The following DOCK3 variants were observed in gnomAD, a reference collection of about 807,000 sequenced individuals.
DOCK3 encodes dedicator of cytokinesis protein 3.
A neutral mutation model predicts 265.6 loss-of-function variants in DOCK3; 60 were observed. The observed-to-expected ratio is 0.23, with a 90% CI of 0.18 to 0.28. DOCK3 has a LOEUF of 0.28. Ranked by LOEUF, DOCK3 falls within the 10% of genes least tolerant of loss-of-function variation. The pLI is 1.00. For missense variants in DOCK3, 1,981 were observed against 2,594.3 expected, an observed-to-expected ratio of 0.76 and a Z score of 5.14; for synonymous variants, 881 against 938.0, an observed-to-expected ratio of 0.94 and a Z score of 1.11.
chr3:50,753,470 G>A (rs1303589523), intron 1 of DOCK3, among the ~76,000 whole-genome samples: 1 of 152,088 alleles, frequency 6.6e-6, no homozygotes, highest in African/African-American at 2.4e-5. Context: ...AGCCTCCCAA[G>A]TTGGGACTAT....
intron 9 of DOCK3, among the ~76,000 whole-genome samples, chr3:51,092,380 C>T (rs1217698130): frequency 1.3e-5 from 2 of 152,184 alleles, no homozygotes; most frequent in Non-Finnish European, 2.9e-5. Context: ...TTTATGCTCA[C>T]GGTGTAAACA....
chr3:50,854,453 C>G (rs1480209063), intron 3 of DOCK3, among the ~76,000 whole-genome samples: 2 of 144,812 alleles, frequency 1.4e-5, no homozygotes, highest in Admixed American at 7.0e-5. Context: ...TTTTGGCGAA[C>G]AGGGTCTTGC....
intron 21 of DOCK3, among the ~76,000 whole-genome samples, chr3:51,243,711 G>A (rs1306702333): frequency 6.6e-6 from 1 of 152,150 alleles, no homozygotes; most frequent in African/African-American, 2.4e-5. Context: ...AGTTTTTAAA[G>A]TTTTGATGTA....
chr3:50,699,243 A>G (rs2035867673), intron 1 of DOCK3, among the ~76,000 whole-genome samples: 1 of 152,030 alleles, frequency 6.6e-6, no homozygotes, highest in Admixed American at 6.6e-5. Flanking sequence ...GGATTTATTT[A>G]TGGGTTTTCT....
intron 5 of DOCK3, among the ~76,000 whole-genome samples, chr3:50,991,801 C>T (rs902766015): frequency 5.9e-5 from 9 of 152,238 alleles, no homozygotes; most frequent in East Asian, 1.9e-4. Flanking sequence ...TTCTTCTTAT[C>T]GCCACATGAC....
chr3:51,322,980 A>AG (rs949912922), intron 32 of DOCK3, among the ~76,000 whole-genome samples: 7 of 152,160 alleles, frequency 4.6e-5, no homozygotes, highest in African/African-American at 1.7e-4. Context: ...GCAAAAAAAA[A>AG]AAAGCAGGGG....
At chr3:51,356,579 AAGAG>A in intron 43 of DOCK3, 86 bp downstream of exon 43, 2 of 1,410,582 alleles carry the variant, frequency 1.4e-6, no homozygotes, top group Non-Finnish European at 2.0e-6. Context: ...ACTAAAGAAA[AAGAG>A]AGCGTCGGCC....
intron 3 of DOCK3, among the ~76,000 whole-genome samples, chr3:50,875,384 T>C (rs1409063841): frequency 6.6e-6 from 1 of 152,202 alleles, no homozygotes; most frequent in East Asian, 1.9e-4. Flanking sequence ...GAGATCTCTT[T>C]GGAAAGACTT....
rs749120674 is a variant in DOCK3, at chr3:51,374,522, C to T, written c.5347C>T (p.Leu1783=). 5 of 1,613,802 alleles carry T rather than the reference C, an allele frequency of 3.1e-6. No homozygotes were observed. In the African/African-American group the frequency reaches 6.7e-5, roughly 22 times the overall value. ...YRHAREMMLL[L]PTYRDRPSSA... is the part of the protein sequence containing the mutation. ...CCATGCCCGTGAAATGATGTTGTTGCTGCCCACATACCGGGACCGCCCAAG... is the reference window on the plus strand; with the variant it reads ...CCATGCCCGTGAAATGATGTTGTTGTTGCCCACATACCGGGACCGCCCAAG... Residue 1783 remains leucine, a synonymous_variant, in exon 50 of 53, where the codon CTG becomes TTG. Transcript: ENST00000266037. The surrounding 1 kb of genome is among the most constrained non-coding windows in gnomAD (Gnocchi z 4.8).
At chr3:51,279,172 T>A in intron 26 of DOCK3, among the ~76,000 whole-genome samples, 1 of 152,058 alleles carries the variant, frequency 6.6e-6, no homozygotes, top group African/African-American at 2.4e-5. Context: ...GAATCGCTTA[T>A]ACCTAGGAGG....
intron 5 of DOCK3, among the ~76,000 whole-genome samples, chr3:51,046,319 A>T (rs1328508414): frequency 6.6e-6 from 1 of 152,162 alleles, no homozygotes; most frequent in Admixed American, 6.5e-5. Flanking sequence ...TAAAAACAAG[A>T]TCTAATTATA....
chr3:51,029,437 A>G (rs1175825298), intron 5 of DOCK3, among the ~76,000 whole-genome samples: 1 of 152,176 alleles, frequency 6.6e-6, no homozygotes, highest in Non-Finnish European at 1.5e-5. Flanking sequence ...AAGAAGCACA[A>G]AAATCATTCT....
intron 12 of DOCK3, among the ~76,000 whole-genome samples, chr3:51,183,920 T>C (rs1233773888): frequency 6.6e-6 from 1 of 152,140 alleles, no homozygotes; most frequent in African/African-American, 2.4e-5. Context: ...AAATATTTCC[T>C]CACTTTGTCA....
At chr3:51,131,157 G>A (rs1236726951) in intron 9 of DOCK3, among the ~76,000 whole-genome samples, 6 of 152,222 alleles carry the variant, frequency 3.9e-5, no homozygotes, top group East Asian at 1.9e-4. Context: ...TGCCAATTAC[G>A]CATTCAGGCA....
At chr3:50,773,716 T>A (rs1377845038) in intron 1 of DOCK3, among the ~76,000 whole-genome samples, 1 of 152,116 alleles carries the variant, frequency 6.6e-6, no homozygotes, top group Non-Finnish European at 1.5e-5. Flanking sequence ...GCTATATCAT[T>A]GTTAATTTGT....
Position 50,675,144 on chromosome 3 carries a change from T to C in DOCK3, c.-120T>C, listed in dbSNP as rs2033838452. 2.6e-5 allele frequency: 18 copies of C among 683,112 alleles called. No homozygotes were observed. In the South Asian group the frequency reaches 9.8e-4, roughly 37 times the overall value. The allele number at this position is 683,112 out of a possible 1,614,324, so 42.3% of individuals were successfully genotyped here. ...GGCCTGTGAGGGATGCGCCGCCCAC[T>C]GCCCCGCGCCGCCTGACCGTCCCCG... On this transcript the variant is annotated 5_prime_UTR_variant, in exon 1 of 53. Transcript: ENST00000266037. This position sits in a 1 kb window ranked among gnomAD's most constrained non-coding sequence, Gnocchi z 6.1.
At chr3:50,933,943 A>G (rs2051216745) in intron 4 of DOCK3, 38 bp from the exon 5 acceptor site, 1 of 1,397,364 alleles carries the variant, frequency 7.2e-7, no homozygotes, top group Non-Finnish European at 9.7e-7. Context: ...GATTTTTTTC[A>G]GAGATAATGT....
chr3:51,208,917 T>C (rs1306407335), intron 13 of DOCK3, 55 bp downstream of exon 13: 7 of 1,510,482 alleles, frequency 4.6e-6, no homozygotes, highest in Non-Finnish European at 6.3e-6. Context: ...TTGCTACTCA[T>C]ACAGCACTTA....
intron 5 of DOCK3, among the ~76,000 whole-genome samples, chr3:51,017,061 T>C (rs1331531797): frequency 5.4e-5 from 8 of 147,508 alleles, no homozygotes; most frequent in Non-Finnish European, 1.2e-4. Context: ...TATTACTTGT[T>C]ATTAATCTGT....
Sources: allele counts gnomAD v4.1 joint callset (sites outside exome capture counted in the v4.1 genomes callset), GRCh38; gene constraint gnomAD v4.1.1; non-coding constraint Gnocchi (gnomAD v3.1); transcripts MANE v1.5; gene names NCBI Gene and HGNC (gene_info 2026-07-23, HGNC 2026-07-21).